SERINC5: variants seen among roughly 807,000 people sequenced by gnomAD.
SERINC5 encodes chromosome 5 open reading frame 12.
In SERINC5, 41 loss-of-function variants were observed where a neutral mutation model predicts 63.1. That is an observed-to-expected ratio of 0.65 (90% confidence interval 0.51 to 0.84). The LOEUF (loss-of-function observed/expected upper bound fraction) is 0.84. Ranked by LOEUF, SERINC5 falls within the 40% of genes least tolerant of loss-of-function variation. The pLI is 0.00. For missense variants in SERINC5, 523 were observed against 573.0 expected (o/e 0.91, Z 0.89); for synonymous variants, 222 against 215.2 (o/e 1.03, Z -0.28).
chr5:80,182,103 A>C (rs1432246641), intron 2 of SERINC5, among the ~76,000 whole-genome samples: 1 of 152,234 alleles, frequency 6.6e-6, no homozygotes, highest in Non-Finnish European at 1.5e-5. Context: ...GTGTGCCTGC[A>C]GATCTAATGA....
In SERINC5 at chr5:80,169,346, C is replaced by T; in HGVS notation, c.752G>A (p.Trp251Ter). ...LLISLVAISP[W>*]VQNRQPHSGL... is the part of the protein sequence containing the mutation. ...AAAAACATGCTTACGATTTTGGACC[C>T]AGGGTGAGATGGCTACCAATGATAT... Residue 251 changes from tryptophan to a stop codon, truncating the protein, a stop_gained, in exon 6 of 12, where the codon TGG becomes TAG. Transcript: ENST00000507668. LOFTEE classifies it high-confidence loss of function. 2 of 1,613,782 alleles carry T rather than the reference C, an allele frequency of 1.2e-6. No homozygotes were observed. The highest frequency in any genetic ancestry group is 2.2e-5 in the East Asian group (1 of 44,882).
At chr5:80,222,762 T>G (rs1265636336) in intron 1 of SERINC5, among the ~76,000 whole-genome samples, 1 of 151,960 alleles carries the variant, frequency 6.6e-6, no homozygotes, top group African/African-American at 2.4e-5. Context: ...TTAGTAGAGA[T>G]GGGATTTCAC....
At chr5:80,162,921 G>T (rs1311527564) in intron 7 of SERINC5, among the ~76,000 whole-genome samples, 1 of 151,364 alleles carries the variant, frequency 6.6e-6, no homozygotes, top group Non-Finnish European at 1.5e-5. Context: ...ATCTTGGCTA[G>T]TGAGCCAAGA....
At chr5:80,160,451 C>A (rs919509734) in intron 7 of SERINC5, among the ~76,000 whole-genome samples, 2 of 152,164 alleles carry the variant, frequency 1.3e-5, no homozygotes, top group African/African-American at 4.8e-5. Flanking sequence ...ACTCTAGAAA[C>A]CACTTTACAA....
intron 11 of SERINC5, among the ~76,000 whole-genome samples, chr5:80,124,150 CT>C (rs1744651318): frequency 6.6e-6 from 1 of 152,162 alleles, no homozygotes; most frequent in South Asian, 2.1e-4. Flanking sequence ...CAATAACCCC[CT>C]TAGCAATGGA....
chr5:80,248,343 C>T (rs1334296912), intron 1 of SERINC5, among the ~76,000 whole-genome samples: 2 of 152,034 alleles, frequency 1.3e-5, no homozygotes, highest in African/African-American at 2.4e-5. Context: ...ATCTGATAAC[C>T]GAGATGGCTC....
chr5:80,160,068 G>T (rs1348795343), intron 7 of SERINC5, among the ~76,000 whole-genome samples: 1 of 152,206 alleles, frequency 6.6e-6, no homozygotes, highest in Non-Finnish European at 1.5e-5. Flanking sequence ...AAGTTCTGGA[G>T]GGCCGGACTT....
At position 80,217,099 on chromosome 5, in the gene SERINC5, TTTTAA is replaced by T. The variant is rs200243927; in HGVS notation, c.28-14051_28-14047del. 6.9e-3 allele frequency among the ~76,000 whole-genome samples: 1,031 copies of T among 148,700 alleles called. 14 individuals are homozygous for T. The highest frequency in any genetic ancestry group is 0.024 in the African/African-American group (967 of 40,134). ...TTACATTTTTATTCTTAATTTTTAA[TTTTAA>T]TTTTTTTATTTTGATATTTTTATTT... On this transcript the variant is annotated intron_variant, in intron 1 of 11. Transcript: ENST00000507668.
At chr5:80,151,911 G>T (rs759665764) in intron 8 of SERINC5, among the ~76,000 whole-genome samples, 3 of 151,982 alleles carry the variant, frequency 2.0e-5, no homozygotes, top group Non-Finnish European at 4.4e-5. Context: ...TCAATCCAGC[G>T]AACCCCATGA....
chr5:80,137,427 T>C (rs1246998845), downstream of SERINC5, among the ~76,000 whole-genome samples: 1 of 147,240 alleles, frequency 6.8e-6, no homozygotes, highest in African/African-American at 2.5e-5. Flanking sequence ...GATCATGAGG[T>C]CAGGAGTTCG....
chr5:80,234,709 C>T (rs1049276329), intron 1 of SERINC5, among the ~76,000 whole-genome samples: 3 of 152,142 alleles, frequency 2.0e-5, no homozygotes, highest in Admixed American at 2.0e-4. Flanking sequence ...CTGTAACCAC[C>T]GGTGGCAGTT....
At chr5:80,189,395 A>C (rs895042052) in intron 2 of SERINC5, among the ~76,000 whole-genome samples, 5 of 152,200 alleles carry the variant, frequency 3.3e-5, no homozygotes, top group African/African-American at 1.2e-4. Context: ...AAGAGAGTGA[A>C]TAGGACCCTC....
Position 80,169,402 on chromosome 5 carries a change from C to G in SERINC5, c.696G>C (p.Leu232=). 1 of 1,613,984 alleles carries G rather than the reference C, an allele frequency of 6.2e-7. No individual in the cohort carries two copies. Among genetic ancestry groups the G allele is most frequent in the East Asian group, 2.2e-5 (1 of 44,892 alleles). The change falls in exon 6 of 12, where the codon CTG becomes CTC. Residue 232 remains leucine, a synonymous_variant. Coordinates refer to ENST00000507668, the MANE Select transcript of SERINC5 (RefSeq NM_001174072.3). ...GGCACAGGCCTCCATTTACTCCCAG[C>G]AGAATTTTGTTTTCCATGCAGCTGT... ...QKDSCMENKI[L]LGVNGGLCLL...
chr5:80,176,291 T>C (rs1748030191), intron 4 of SERINC5, among the ~76,000 whole-genome samples: 1 of 152,216 alleles, frequency 6.6e-6, no homozygotes, highest in Non-Finnish European at 1.5e-5. Context: ...ATTTTAAAAC[T>C]TTTAACAGTA....
intron 2 of SERINC5, among the ~76,000 whole-genome samples, chr5:80,190,791 C>CCTGTT: frequency 6.6e-6 from 1 of 152,182 alleles, no homozygotes; most frequent in East Asian, 1.9e-4. Flanking sequence ...AGCCCCATTA[C>CCTGTT]CTGTTCCCCA....
At chr5:80,222,549 G>GGTGAGTGT (rs755000713) in intron 1 of SERINC5, among the ~76,000 whole-genome samples, 12 of 128,448 alleles carry the variant, frequency 9.3e-5, no homozygotes, top group Middle Eastern at 4.0e-3. Flanking sequence ...GTTTTTTGTG[G>GGTGAGTGT]GTGAGTGTGT....
chr5:80,249,453 A>G (rs1414399042), intron 1 of SERINC5, among the ~76,000 whole-genome samples: 1 of 152,204 alleles, frequency 6.6e-6, no homozygotes, highest in Non-Finnish European at 1.5e-5. Context: ...TAATTATGCA[A>G]AAAGAGTGGG....
chr5:80,255,339 G>T lies in SERINC5; in HGVS notation c.27+557C>A, dbSNP rs114358929. 1,217 of 155,010 alleles carry T rather than the reference G, an allele frequency of 7.9e-3. 20 individuals are homozygous for T. The highest frequency in any genetic ancestry group is 0.026 in the African/African-American group (1,089 of 41,554). 9.6% of individuals were successfully genotyped at this position (155,010 alleles called of 1,614,324 possible). A position where few individuals can be genotyped will look rare whatever the true frequency, so the allele number is the denominator to read the frequency against. ...CGGGAAATTCAGGAAGCAGGGCTGA[G>T]TTTTCCCTTCGCCCAGACCTGCGCC... On this transcript the variant is annotated intron_variant, in intron 1 of 11. Coordinates refer to ENST00000507668, the MANE Select transcript of SERINC5 (RefSeq NM_001174072.3).
At chr5:80,247,822 G>T (rs987692764) in intron 1 of SERINC5, among the ~76,000 whole-genome samples, 7 of 152,114 alleles carry the variant, frequency 4.6e-5, no homozygotes. Context: ...TATATACTGT[G>T]TTTTTTCCTG....
Sources: allele counts gnomAD v4.1 joint callset (sites outside exome capture counted in the v4.1 genomes callset), GRCh38; gene constraint gnomAD v4.1.1; transcripts MANE v1.5; gene names NCBI Gene and HGNC (gene_info 2026-07-23, HGNC 2026-07-21).